The following KIF20B variants were observed in gnomAD, a reference collection of about 807,000 sequenced individuals.
KIF20B encodes kinesin-like protein KIF20B.
In KIF20B, 188 loss-of-function variants were observed where a neutral mutation model predicts 232.5. The observed-to-expected ratio is 0.81, with a 90% confidence interval of 0.72 to 0.91. KIF20B has a LOEUF of 0.91. Among genes scored for constraint, KIF20B ranks in the 40% least tolerant of loss-of-function variants. The probability of loss-of-function intolerance (pLI) is 0.00; values close to 1 mark genes in which losing one functional copy is unlikely to be tolerated. For missense variants in KIF20B, 2,154 were observed against 2,055.9 expected (o/e 1.05, Z -0.92); for synonymous variants, 712 against 683.0 (o/e 1.04, Z -0.66).
At chr10:89,760,092 T>C (rs1842206303) in intron 27 of KIF20B, among the ~76,000 whole-genome samples, 1 of 152,182 alleles carries the variant, frequency 6.6e-6, no homozygotes, top group Admixed American at 6.6e-5. Flanking sequence ...TTTTCAAAAT[T>C]GTGTTATCAA....
chr10:89,709,940 C>T lies in KIF20B; in HGVS notation c.365C>T (p.Ala122Val). Reference protein sequence around the residue: ...KFSFSKVFGPATTQKEFFQGC... With the variant: ...KFSFSKVFGPVTTQKEFFQGC... ...ATGTTTGCTTAGGTTTTTGGCCCAG[C>T]AACTACACAGAAGGAATTCTTTCAG... Residue 122 changes from alanine (A) to valine (V), a missense_variant, in exon 5 of 33, where the codon GCA becomes GTA. Transcript: ENST00000371728. 20 of 1,581,586 alleles carry T rather than the reference C, an allele frequency of 1.3e-5. 1 individual carries two copies. The highest frequency in any genetic ancestry group is 1.7e-5 in the Non-Finnish European group (20 of 1,168,958).
At chr10:89,747,122 AAC>A (rs540412561) in intron 23 of KIF20B, among the ~76,000 whole-genome samples, 158 of 152,326 alleles carry the variant, frequency 1.0e-3, no homozygotes, top group African/African-American at 3.5e-3. Context: ...GCAGCCAAAA[AAC>A]ACATGAAAAA....
chr10:89,716,611 A>G (rs1363110356), intron 9 of KIF20B, 64 bp downstream of exon 9: 1 of 812,804 alleles, frequency 1.2e-6, no homozygotes, highest in Non-Finnish European at 2.0e-6. Flanking sequence ...TAATTTAAAC[A>G]CAGCTAATTT....
intron 29 of KIF20B, among the ~76,000 whole-genome samples, chr10:89,765,400 G>T (rs1842337265): frequency 6.6e-6 from 1 of 152,080 alleles, no homozygotes; most frequent in African/African-American, 2.4e-5. Context: ...ACAAACAAAT[G>T]GAAGAACATT....
intron 27 of KIF20B, 46 bp downstream of exon 27, chr10:89,758,928 T>C: frequency 9.4e-6 from 11 of 1,169,160 alleles, no homozygotes; most frequent in Non-Finnish European, 1.3e-5. Context: ...ACATAGTAAT[T>C]ACTTAATTGA....
intron 21 of KIF20B, among the ~76,000 whole-genome samples, chr10:89,743,165 G>T (rs1841843041): frequency 6.6e-6 from 1 of 152,200 alleles, no homozygotes; most frequent in Non-Finnish European, 1.5e-5. Flanking sequence ...CTGGCAAGAT[G>T]TACTGAAAGG....
intron 19 of KIF20B, among the ~76,000 whole-genome samples, chr10:89,735,348 G>T (rs1021387017): frequency 2.0e-5 from 3 of 151,906 alleles, no homozygotes; most frequent in African/African-American, 7.3e-5. Flanking sequence ...TTTATTGTTC[G>T]TGATGAGTGA....
chr10:89,749,773 A>G (rs1329172362), intron 23 of KIF20B, among the ~76,000 whole-genome samples: 2 of 152,122 alleles, frequency 1.3e-5, no homozygotes, highest in Non-Finnish European at 2.9e-5. Flanking sequence ...AATATTCCGC[A>G]TTTTATGTAT....
At position 89,737,713 on chromosome 10, in the gene KIF20B, G is replaced by A. The variant is rs775282828; in HGVS notation, c.2872G>A (p.Glu958Lys). 1 of 1,612,910 alleles carries A rather than the reference G, an allele frequency of 6.2e-7. No homozygotes were observed. Among genetic ancestry groups the A allele is most frequent in the Non-Finnish European group, 8.5e-7 (1 of 1,179,436 alleles). ...GCAGAAAAGTAAAAATCAAGAACAG[G>A]AGGAAAAGATCATGAAATTGTCAAA... ...HVQKSKNQEQ[E>K]EKIMKLSNEI... The change falls in exon 20 of 33, where the codon GAG (glutamate) becomes AAG (lysine). Residue 958 changes from glutamate to lysine, a missense_variant. By Grantham distance (56) the Glu-to-Lys change is moderately conservative. Transcript: ENST00000371728.
chr10:89,774,001 G>A lies in KIF20B; in HGVS notation c.5416G>A (p.Asp1806Asn). The change falls in exon 33 of 33, where the codon GAT becomes AAT. Residue 1806 changes from aspartate (D) to asparagine (N), a missense_variant. Transcript: ENST00000371728. ...AATGGACCAGAAAATGAAGGAGAGT[G>A]ATCACCAGATTATCAAACGACGACT... ...ILMDQKMKES[D>N]HQIIKRRLRT... 6.3e-7 allele frequency: 1 copy of A among 1,585,938 alleles called. No homozygotes were observed. The highest frequency in any genetic ancestry group is 1.2e-5 in the South Asian group (1 of 84,532).
At chr10:89,744,987 G>A (rs1351968339) in intron 22 of KIF20B, among the ~76,000 whole-genome samples, 2 of 152,134 alleles carry the variant, frequency 1.3e-5, no homozygotes, top group Non-Finnish European at 2.9e-5. Flanking sequence ...ATTTAATCTT[G>A]CCTCTTAAGG....
Position 89,751,357 on chromosome 10 carries a change from A to G in KIF20B, c.4108A>G (p.Lys1370Glu). 6.2e-7 allele frequency: 1 copy of G among 1,604,108 alleles called. No homozygotes were observed. Among genetic ancestry groups the G allele is most frequent in the Admixed American group, 1.7e-5 (1 of 58,864 alleles). ...YERACKDLNV[K>E]EKIIEDMRMT... ...CCCCCGATTTTTAGATCTAAATGTTAAAGAGAAAATAATTGAAGACATGCG... is the reference window on the plus strand; with the variant it reads ...CCCCCGATTTTTAGATCTAAATGTTGAAGAGAAAATAATTGAAGACATGCG... The change falls in exon 24 of 33, where the codon AAA becomes GAA. Residue 1370 changes from lysine (K) to glutamate (E), a missense_variant. Transcript: ENST00000371728.
At chr10:89,751,061 G>GT (rs1460399730) in intron 23 of KIF20B, among the ~76,000 whole-genome samples, 4 of 151,942 alleles carry the variant, frequency 2.6e-5, no homozygotes, top group Non-Finnish European at 5.9e-5. Context: ...TAGTTTAATT[G>GT]TATTAGAAAT....
At position 89,713,181 on chromosome 10, in the gene KIF20B, G is replaced by A. The variant is rs180897135; in HGVS notation, c.676-866G>A. On this transcript the variant is annotated intron_variant, in intron 6 of 32. Transcript: ENST00000371728. The stretch of plus-strand genomic sequence containing the variant: ...TGGAGACTAGCCTGGCCAACATGGC[G>A]AAACCCCGTCTCTATTAAAAATACA... Among the ~76,000 whole-genome samples the A allele has an allele frequency of 3.3e-3, 508 of 152,054 alleles. 4 individuals carry two copies. The highest frequency in any genetic ancestry group is 0.011 in the African/African-American group (452 of 41,484).
intron 2 of KIF20B, among the ~76,000 whole-genome samples, chr10:89,707,544 C>T (rs1842750239): frequency 6.7e-6 from 1 of 149,886 alleles, no homozygotes; most frequent in Admixed American, 6.7e-5. Flanking sequence ...CTCTCCCCTC[C>T]ACTTCTTTCT....
At chr10:89,727,778 CAT>C (rs755565338) in intron 16 of KIF20B, 76 bp from the exon 17 acceptor site, 13 of 1,224,730 alleles carry the variant, frequency 1.1e-5, no homozygotes, top group African/African-American at 7.5e-5. Context: ...ACTAGAGCAG[CAT>C]ATGTTTCATA....
intron 5 of KIF20B, 48 bp from the exon 6 acceptor site, chr10:89,710,913 T>C: frequency 1.4e-6 from 2 of 1,465,018 alleles, no homozygotes; most frequent in Non-Finnish European, 1.8e-6. Context: ...TAAAGTTTCC[T>C]CTTTCCTAGT....
At chr10:89,705,220 A>T in intron 1 of KIF20B, 74 bp from the exon 2 acceptor site, 1 of 1,317,334 alleles carries the variant, frequency 7.6e-7, no homozygotes, top group Non-Finnish European at 1.1e-6. Flanking sequence ...GTAGTGGGCT[A>T]GACTTTTGAA....
chr10:89,726,913 C>T (rs959410857), intron 16 of KIF20B, among the ~76,000 whole-genome samples: 4 of 152,082 alleles, frequency 2.6e-5, no homozygotes, highest in African/African-American at 9.7e-5. Context: ...TCAATTACTC[C>T]TCTTGCCTCA....
Sources: allele counts gnomAD v4.1 joint callset (sites outside exome capture counted in the v4.1 genomes callset), GRCh38; gene constraint gnomAD v4.1.1; transcripts MANE v1.5; gene names NCBI Gene and HGNC (gene_info 2026-07-23, HGNC 2026-07-21).